AEBP2: variants seen among roughly 807,000 people sequenced by gnomAD.
AEBP2 encodes AE binding protein 2.
A neutral mutation model predicts 50.8 loss-of-function variants in AEBP2; 10 were observed. That is an observed-to-expected ratio of 0.20 (90% confidence interval 0.12 to 0.33). The LOEUF (loss-of-function observed/expected upper bound fraction) is 0.33. Ranked by LOEUF, AEBP2 falls within the 10% of genes least tolerant of loss-of-function variation. AEBP2 has a pLI of 1.00. For synonymous variants in AEBP2, 296 were observed against 261.3 expected (o/e 1.13, Z -1.28); for missense variants, 570 against 688.0 (o/e 0.83, Z 1.92).
chr12:19,491,378 G>A (rs1948893151), intron 3 of AEBP2, among the ~76,000 whole-genome samples: 1 of 152,094 alleles, frequency 6.6e-6, no homozygotes, highest in African/African-American at 2.4e-5. Flanking sequence ...TCTATTCAGG[G>A]TTTCCCATAG....
intron 1 of AEBP2, among the ~76,000 whole-genome samples, chr12:19,430,367 TG>T (rs1415107707): frequency 1.4e-4 from 21 of 152,336 alleles, no homozygotes; most frequent in Admixed American, 1.2e-3. Context: ...CATGCTGTTT[TG>T]GTTACTGTAG....
At chr12:19,493,166 C>T (rs1327732476) in intron 3 of AEBP2, among the ~76,000 whole-genome samples, 2 of 152,148 alleles carry the variant, frequency 1.3e-5, no homozygotes, top group Non-Finnish European at 2.9e-5. Flanking sequence ...CTTTGGGAGG[C>T]CAAAGCAGGC....
intron 4 of AEBP2, among the ~76,000 whole-genome samples, chr12:19,495,408 A>G (rs954751101): frequency 6.6e-6 from 1 of 152,230 alleles, no homozygotes; most frequent in African/African-American, 2.4e-5. Context: ...TCTGTAAAAC[A>G]TTGAAATCTT....
chr12:19,495,547 C>CTTTTTTTTTTTTT (rs35060511), intron 4 of AEBP2, among the ~76,000 whole-genome samples: 51 of 141,020 alleles, frequency 3.6e-4, no homozygotes, highest in African/African-American at 7.0e-4. Context: ...TTCATTCTTG[C>CTTTTTTTTTTTTT]TTTTTTTTTT....
At position 19,518,184 on chromosome 12, in the gene AEBP2, T is replaced by C; in HGVS notation, c.*67T>C. The C allele has an allele frequency of 6.8e-7, 1 of 1,477,276 alleles. No homozygotes were observed. The highest frequency in any genetic ancestry group is 8.9e-7 in the Non-Finnish European group (1 of 1,117,326). The allele number at this position is 1,477,276 out of a possible 1,614,324, so 91.5% of individuals were successfully genotyped here. A position where few individuals can be genotyped will look rare whatever the true frequency, so the allele number is the denominator to read the frequency against. On this transcript the variant is annotated 3_prime_UTR_variant, in exon 8 of 8. Transcript: ENST00000266508. ...TGCAGTCTTAGTCACTGACAATGGG[T>C]TTAGGGAAAGTTGCACATTAGAGTC...
At chr12:19,474,942 G>A (rs540346237) in intron 3 of AEBP2, among the ~76,000 whole-genome samples, 21 of 152,178 alleles carry the variant, frequency 1.4e-4, no homozygotes, top group African/African-American at 4.8e-4. Context: ...ACCGGCATGC[G>A]CCATCACGCC....
In AEBP2 at chr12:19,501,797, GTTTTTTTT is replaced by G. The variant is rs754195220; in HGVS notation, c.1299+1589_1299+1596del. Among the ~76,000 whole-genome samples, 10 of 70,908 alleles carry G rather than the reference GTTTTTTTT, an allele frequency of 1.4e-4. 1 individual carries two copies. The highest frequency in any genetic ancestry group is 2.4e-4 in the Non-Finnish European group (9 of 37,168). 46.5% of individuals were successfully genotyped at this position (70,908 alleles called of 152,430 possible). A position where few individuals can be genotyped will look rare whatever the true frequency, so the allele number is the denominator to read the frequency against. On this transcript the variant is annotated intron_variant, in intron 5 of 7. Coordinates refer to ENST00000266508, the MANE Select transcript of AEBP2 (RefSeq NM_153207.5). ...CGTCGTCTCCTATAAAAATGAGTTT[GTTTTTTTT>G]TTTTTTTTTTTTGCATTTTCATGTT...
At chr12:19,431,711 A>C (rs550003937) in intron 1 of AEBP2, among the ~76,000 whole-genome samples, 8 of 152,282 alleles carry the variant, frequency 5.3e-5, no homozygotes, top group African/African-American at 1.4e-4. Flanking sequence ...ACAGAATGGG[A>C]AAACTTGCAT....
intron 1 of AEBP2, among the ~76,000 whole-genome samples, chr12:19,459,672 T>TA (rs1324660933): frequency 6.6e-6 from 1 of 152,220 alleles, no homozygotes; most frequent in Admixed American, 6.5e-5. Flanking sequence ...TTGAGAGTTT[T>TA]ACAGAGATTA....
chr12:19,477,389 G>A (rs1425259554), intron 3 of AEBP2, among the ~76,000 whole-genome samples: 1 of 152,110 alleles, frequency 6.6e-6, no homozygotes, highest in East Asian at 1.9e-4. Context: ...CAGTTGTCAC[G>A]GGGAATGCTT....
At chr12:19,492,651 T>C (rs1948911919) in intron 3 of AEBP2, among the ~76,000 whole-genome samples, 1 of 152,044 alleles carries the variant, frequency 6.6e-6, no homozygotes, top group Non-Finnish European at 1.5e-5. Flanking sequence ...GGGTTTTCAT[T>C]TGAAGTTTAA....
intron 1 of AEBP2, among the ~76,000 whole-genome samples, chr12:19,461,832 A>G (rs1948384257): frequency 6.6e-6 from 1 of 152,198 alleles, no homozygotes; most frequent in African/African-American, 2.4e-5. Flanking sequence ...TTTAGTAAAT[A>G]AAAAGTAAAA....
intron 1 of AEBP2, among the ~76,000 whole-genome samples, chr12:19,450,458 T>C (rs4550305): frequency 0.27 from 39,292 of 147,934 alleles, 6,408 homozygotes; most frequent in African/African-American, 0.47. Flanking sequence ...AATATCTCTT[T>C]TGTGTTATGC....
At chr12:19,445,510 G>A (rs908533418) in intron 1 of AEBP2, among the ~76,000 whole-genome samples, 4 of 151,988 alleles carry the variant, frequency 2.6e-5, no homozygotes, top group Admixed American at 6.6e-5. Flanking sequence ...CACCGTGCCC[G>A]GCCTCATGCC....
At chr12:19,461,035 A>G (rs530576468) in intron 1 of AEBP2, among the ~76,000 whole-genome samples, 1 of 152,304 alleles carries the variant, frequency 6.6e-6, no homozygotes, top group South Asian at 2.1e-4. Flanking sequence ...TCAGAGAAAC[A>G]GATTACAGAT....
chr12:19,502,233 C>G (rs1307015410), intron 5 of AEBP2, among the ~76,000 whole-genome samples: 1 of 152,054 alleles, frequency 6.6e-6, no homozygotes, highest in African/African-American at 2.4e-5. Context: ...CCTCTAGGTT[C>G]AAGCGATCCC....
chr12:19,504,388 C>A (rs143474508), intron 5 of AEBP2, among the ~76,000 whole-genome samples: 2 of 148,318 alleles, frequency 1.3e-5, no homozygotes, highest in Admixed American at 1.4e-4. Context: ...GCGCCCCCCC[C>A]ACCACGCCTG....
At chr12:19,487,728 GA>G (rs984532028) in intron 3 of AEBP2, among the ~76,000 whole-genome samples, 448 of 148,742 alleles carry the variant, frequency 3.0e-3, no homozygotes, top group African/African-American at 1.0e-2. Context: ...AAAACATAAA[GA>G]AAAAAAAAGA....
At chr12:19,469,309 T>A (rs1036562539) in intron 2 of AEBP2, among the ~76,000 whole-genome samples, 2 of 152,174 alleles carry the variant, frequency 1.3e-5, no homozygotes, top group African/African-American at 4.8e-5. Flanking sequence ...GGCAGTTACT[T>A]TGAGAAGGAA....
Sources: gnomAD v4.1 joint callset for allele counts (sites outside exome capture counted in the v4.1 genomes callset) on GRCh38, gnomAD v4.1.1 for gene constraint, MANE v1.5 for transcripts, NCBI Gene and HGNC (gene_info 2026-07-23, HGNC 2026-07-21) for gene names.